Variants in ZNF227 observed in about 807,000 individuals in gnomAD.
The protein encoded by ZNF227 is zinc finger protein 227.
In ZNF227, 12 loss-of-function variants were observed where a neutral mutation model predicts 13.2. The ratio of observed to expected loss-of-function variants is 0.91; its 90% CI spans 0.58 to 1.47. The LOEUF is 1.47. Ranked by LOEUF, ZNF227 falls within the 40% of genes most tolerant of loss-of-function variation. ZNF227 has a pLI of 0.00. For missense variants in ZNF227, 885 were observed against 967.5 expected (o/e 0.91, Z 1.13); for synonymous variants, 338 against 326.0 (o/e 1.04, Z -0.40).
rs528917507 is a variant in ZNF227, at chr19:44,236,209, A to T, written c.1779A>T (p.Ala593=). The T allele has an allele frequency of 6.2e-7, 1 of 1,613,936 alleles. No homozygotes were observed. The highest frequency in any genetic ancestry group is 1.1e-5 in the South Asian group (1 of 91,068). Residue 593 remains alanine, a synonymous_variant, in exon 6 of 6, where the codon GCA becomes GCT. Transcript: ENST00000313040. ...KGFSWRSNLH[A]HQRVHSGEKP... is the part of the protein sequence containing the mutation. ...TCAGTTGGAGATCAAATCTTCATGCACATCAAAGAGTTCACTCAGGAGAAA... is the reference window on the plus strand; with the variant it reads ...TCAGTTGGAGATCAAATCTTCATGCTCATCAAAGAGTTCACTCAGGAGAAA...
At chr19:44,230,951 A>ATATCTATATCTATATATATATATATATC (rs1568610093) in intron 5 of ZNF227, among the ~76,000 whole-genome samples, 24 of 132,714 alleles carry the variant, frequency 1.8e-4, no homozygotes, top group African/African-American at 7.3e-4. Flanking sequence ...ATATATATAT[A>ATATCTATATCTATATATATATATATATC]TATCTTAGCC....
chr19:44,224,960 C>T (rs1471042965), intron 3 of ZNF227, among the ~76,000 whole-genome samples: 3 of 152,176 alleles, frequency 2.0e-5, no homozygotes, highest in Non-Finnish European at 4.4e-5. Context: ...TAGGGCAGGC[C>T]TGGTGGTGAC....
chr19:44,235,090 C>G lies in ZNF227; in HGVS notation c.660C>G (p.Asp220Glu). The change falls in exon 6 of 6, where the codon GAC (aspartate) becomes GAG (glutamate). Residue 220 changes from aspartate to glutamate, a missense_variant. Asp to Glu is a conservative substitution (Grantham distance 45). Coordinates refer to ENST00000313040, the MANE Select transcript of ZNF227 (RefSeq NM_182490.3). Reference protein sequence around the residue: ...KSPFHEHIKTDTEPKPCKGNE... With the variant: ...KSPFHEHIKTETEPKPCKGNE... ...CATTTCATGAGCATATTAAAACTGACACAGAACCAAAACCCTGCAAAGGTA... is the reference window on the plus strand; with the variant it reads ...CATTTCATGAGCATATTAAAACTGAGACAGAACCAAAACCCTGCAAAGGTA... The G allele has an allele frequency of 6.2e-7, 1 of 1,613,862 alleles. No individual in the cohort carries two copies. The highest frequency in any genetic ancestry group is 2.2e-5 in the East Asian group (1 of 44,876).
chr19:44,235,382 C>T lies in ZNF227; in HGVS notation c.952C>T (p.His318Tyr), dbSNP rs530385231. 74 of 1,614,176 alleles carry T rather than the reference C, an allele frequency of 4.6e-5. No individual in the cohort carries two copies. The South Asian group carries it at 7.8e-4, about 17-fold the overall frequency. Residue 318 changes from histidine to tyrosine, a missense_variant, in exon 6 of 6, where the codon CAT becomes TAT. By Grantham distance (83) the His-to-Tyr change is moderately conservative. Transcript: ENST00000313040. ...CTCTTTTCATTCTTATCAATCTAATCATACAGGAGAGAAGTCTTATAGATG... is the reference window on the plus strand; with the variant it reads ...CTCTTTTCATTCTTATCAATCTAATTATACAGGAGAGAAGTCTTATAGATG... ...KSSFHSYQSN[H>Y]TGEKSYRCDS... is the part of the protein sequence containing the mutation.
chr19:44,234,798 T>C lies in ZNF227; in HGVS notation c.368T>C (p.Val123Ala), dbSNP rs1974238891. The C allele has an allele frequency of 6.2e-7, 1 of 1,614,022 alleles. No individual in the cohort carries two copies. Among genetic ancestry groups the C allele is most frequent in the Non-Finnish European group, 8.5e-7 (1 of 1,180,000 alleles). ...ELSCWQIWKQ[V>A]ASELTRCLQG... ...TCCTGCTGGCAAATCTGGAAACAGG[T>C]TGCAAGTGAATTAACCAGGTGTCTT... Residue 123 changes from valine (V) to alanine (A), a missense_variant, in exon 6 of 6, where the codon GTT becomes GCT. Coordinates refer to ENST00000313040, the MANE Select transcript of ZNF227 (RefSeq NM_182490.3).
chr19:44,236,804 A>T lies in ZNF227; in HGVS notation c.2374A>T (p.Lys792Ter). The T allele has an allele frequency of 6.3e-7, 1 of 1,592,490 alleles. No homozygotes were observed. Among genetic ancestry groups the T allele is most frequent in the Non-Finnish European group, 8.5e-7 (1 of 1,169,838 alleles). Residue 792 changes from lysine (K) to a stop codon, truncating the protein, a stop_gained, in exon 6 of 6, where the codon AAA becomes TAA. Coordinates refer to ENST00000313040, the MANE Select transcript of ZNF227 (RefSeq NM_182490.3). LOFTEE classifies it high-confidence loss of function. Reference sequence around the variant, plus strand: ...CCGTTCACGTCTTACATATCATCAGAAAGTCCATACTGGTAAAAAGCTTTA... The same window carrying T: ...CCGTTCACGTCTTACATATCATCAGTAAGTCCATACTGGTAAAAAGCTTTA... ...RHRSRLTYHQ[K>*]VHTGKKL
upstream of ZNF227, among the ~76,000 whole-genome samples, chr19:44,209,805 T>C (rs1971297045): frequency 1.3e-5 from 2 of 152,022 alleles, no homozygotes; most frequent in South Asian, 2.1e-4. Flanking sequence ...CCAGGATGGT[T>C]TCGATTTCCT....
chr19:44,237,063 T>C lies in ZNF227; in HGVS notation c.*233T>C. 2.3e-6 allele frequency: 1 copy of C among 435,022 alleles called. No homozygotes were observed. Among genetic ancestry groups the C allele is most frequent in the South Asian group, 5.3e-5 (1 of 18,960 alleles). 26.9% of individuals were successfully genotyped at this position (435,022 alleles called of 1,614,324 possible). On this transcript the variant is annotated 3_prime_UTR_variant, in exon 6 of 6. Transcript: ENST00000313040. ...CTCTCTTGGTAAGATCTAGTTAATA[T>C]AAATGATCACCTTTCATTGTGAATA...
chr19:44,214,152 T>C (rs1368233075), intron 2 of ZNF227, among the ~76,000 whole-genome samples: 1 of 152,226 alleles, frequency 6.6e-6, no homozygotes, highest in Non-Finnish European at 1.5e-5. Context: ...TTTTGTTTTT[T>C]TGCCTTTTTT....
At chr19:44,209,113 A>T (rs964488127), upstream of ZNF227, among the ~76,000 whole-genome samples, 4 of 152,184 alleles carry the variant, frequency 2.6e-5, no homozygotes, top group African/African-American at 9.7e-5. Flanking sequence ...ACCACTGCTA[A>T]CATTTTAAAT....
Position 44,228,530 on chromosome 19 carries a change from C to G in ZNF227, c.145C>G (p.Arg49Gly). The stretch of plus-strand genomic sequence containing the variant: ...CGATCTTACCCAGAGGAAGCTGTAC[C>G]GAGATGTCATGGTGGAGAACTTCAA... ...LLDLTQRKLYRDVMVENFKNL... is the reference protein window; with the variant it reads ...LLDLTQRKLYGDVMVENFKNL... The change falls in exon 4 of 6, where the codon CGA becomes GGA. Residue 49 changes from arginine to glycine, a missense_variant. Physicochemically the swap from Arg to Gly is moderately radical, Grantham distance 125. Coordinates refer to ENST00000313040, the MANE Select transcript of ZNF227 (RefSeq NM_182490.3). 6.2e-7 allele frequency: 1 copy of G among 1,613,606 alleles called. No individual in the cohort carries two copies. Among genetic ancestry groups the G allele is most frequent in the Non-Finnish European group, 8.5e-7 (1 of 1,179,882 alleles).
chr19:44,223,176 T>A (rs937058740), intron 3 of ZNF227, among the ~76,000 whole-genome samples: 4 of 152,242 alleles, frequency 2.6e-5, no homozygotes, highest in African/African-American at 7.2e-5. Flanking sequence ...CAGTATTTTA[T>A]TGAGGATTTT....
At chr19:44,218,251 A>G (rs1422302067) in intron 3 of ZNF227, among the ~76,000 whole-genome samples, 2 of 152,248 alleles carry the variant, frequency 1.3e-5, no homozygotes, top group Non-Finnish European at 2.9e-5. Context: ...AAAGACAACA[A>G]AAACTATTTC....
chr19:44,218,557 ACT>A (rs534498971), intron 3 of ZNF227, among the ~76,000 whole-genome samples: 78 of 152,172 alleles, frequency 5.1e-4, no homozygotes, highest in African/African-American at 1.7e-3. Context: ...TGTTTTTATC[ACT>A]CATTTATTTC....
intron 4 of ZNF227, among the ~76,000 whole-genome samples, 158 bp from the exon 5 acceptor site, chr19:44,229,575 G>GCACTT (rs1973561210): frequency 6.6e-6 from 1 of 152,210 alleles, no homozygotes; most frequent in Non-Finnish European, 1.5e-5. Context: ...TTGTGCCATT[G>GCACTT]CACTTCAGCC....
At position 44,236,905 on chromosome 19, in the gene ZNF227, A is replaced by G. The variant is rs1365525822; in HGVS notation, c.*75A>G. ...TTTGGCTAGTCCATGCTGGTGGTAA[A>G]CCCTGTAAAACTACTGAGAGTGGAA... On this transcript the variant is annotated 3_prime_UTR_variant, in exon 6 of 6. Coordinates refer to ENST00000313040, the MANE Select transcript of ZNF227 (RefSeq NM_182490.3). 1.7e-6 allele frequency: 2 copies of G among 1,188,626 alleles called. No homozygotes were observed. Among genetic ancestry groups the G allele is most frequent in the African/African-American group, 1.5e-5 (1 of 65,056 alleles). 73.6% of individuals were successfully genotyped at this position (1,188,626 alleles called of 1,614,324 possible).
chr19:44,215,306 A>G (rs1275619313), intron 2 of ZNF227, among the ~76,000 whole-genome samples: 3 of 150,870 alleles, frequency 2.0e-5, no homozygotes, highest in Non-Finnish European at 4.4e-5. Context: ...AGCTGAGGTC[A>G]GTTTTTTTTT....
At chr19:44,233,910 C>T (rs4803693) in intron 5 of ZNF227, among the ~76,000 whole-genome samples, 21,280 of 151,694 alleles carry the variant, frequency 0.14, 3,739 homozygotes, top group African/African-American at 0.4. Flanking sequence ...AAAAAAATGG[C>T]GTATGGTGGT....
intron 3 of ZNF227, among the ~76,000 whole-genome samples, chr19:44,220,697 G>A (rs888999679): frequency 3.9e-5 from 6 of 152,024 alleles, no homozygotes; most frequent in African/African-American, 7.2e-5. Flanking sequence ...TAGGGTACAT[G>A]TGCACAATGT....
Sources: gnomAD v4.1 joint callset for allele counts (sites outside exome capture counted in the v4.1 genomes callset) on GRCh38, gnomAD v4.1.1 for gene constraint, MANE v1.5 for transcripts, NCBI Gene and HGNC (gene_info 2026-07-23, HGNC 2026-07-21) for gene names.